Variants in COBLL1 observed in about 807,000 individuals in gnomAD.
COBLL1 encodes the protein cordon-bleu protein-like 1.
COBLL1 carries 50 observed loss-of-function variants against 94.8 expected under a neutral mutation model. That is an observed-to-expected ratio of 0.53 (90% CI 0.42 to 0.67). The LOEUF (loss-of-function observed/expected upper bound fraction) is 0.67. Among genes scored for constraint, COBLL1 ranks in the 30% least tolerant of loss-of-function variants. COBLL1 has a pLI of 0.00. For synonymous variants in COBLL1, 448 were observed against 473.8 expected (o/e 0.95, Z 0.71); for missense variants, 1,362 against 1,348.7 (o/e 1.01, Z -0.15).
chr2:164,830,927 G>C (rs1461221195), intron 2 of COBLL1, among the ~76,000 whole-genome samples: 1 of 152,124 alleles, frequency 6.6e-6, no homozygotes, highest in African/African-American at 2.4e-5. Flanking sequence ...CTAAAGGGAG[G>C]AACAAAGTTC....
At chr2:164,716,745 A>T (rs1056892662) in intron 7 of COBLL1, among the ~76,000 whole-genome samples, 10 of 152,178 alleles carry the variant, frequency 6.6e-5, no homozygotes, top group Non-Finnish European at 1.3e-4. Context: ...AGCTCAGCAA[A>T]TCAACAGCCT....
chr2:164,662,712 T>C (rs1440230699), intron 2 of COBLL1, among the ~76,000 whole-genome samples: 1 of 152,140 alleles, frequency 6.6e-6, no homozygotes, highest in Non-Finnish European at 1.5e-5. Flanking sequence ...GCTGTCCTCA[T>C]CATAGTGACT....
chr2:164,686,684 A>G (rs1683312451), intron 13 of COBLL1, among the ~76,000 whole-genome samples: 1 of 152,180 alleles, frequency 6.6e-6, no homozygotes, highest in South Asian at 2.1e-4. Flanking sequence ...GTGAATAAAA[A>G]CACTAAAACA....
intron 5 of COBLL1, among the ~76,000 whole-genome samples, chr2:164,726,605 C>A (rs1364673387): frequency 1.3e-5 from 2 of 152,036 alleles, no homozygotes. Context: ...CATATAAAAG[C>A]ATTTATTCAC....
Position 164,773,694 on chromosome 2 carries a change from C to T in COBLL1, c.42-29819G>A, listed in dbSNP as rs537172198. 6.7e-4 allele frequency: 754 copies of T among 1,119,584 alleles called. 10 individuals are homozygous for T. Among genetic ancestry groups the T allele is most frequent in the South Asian group, 6.6e-3 (480 of 72,898 alleles). 69.4% of individuals were successfully genotyped at this position (1,119,584 alleles called of 1,614,324 possible). ...AAATTATTTTAAAAGTTTTACACAACGTATTTACTTACAACTGTTCCAGAA... is the reference window on the plus strand; with the variant it reads ...AAATTATTTTAAAAGTTTTACACAATGTATTTACTTACAACTGTTCCAGAA... On this transcript the variant is annotated intron_variant, in intron 2 of 13. Coordinates refer to ENST00000652658, the MANE Select transcript of COBLL1 (RefSeq NM_001365672.2).
rs1200016003 is a variant in COBLL1 at position 164,785,155 on chromosome 2, G to T, written c.42-41280C>A. Among the ~76,000 whole-genome samples the T allele has an allele frequency of 2.0e-5, 3 of 152,310 alleles. No homozygotes were observed. In the South Asian group the frequency reaches 6.2e-4, roughly 32 times the overall value. ...GAAAGTACATTTCTAGTCTTTAGAA[G>T]TTACCTAGTCTGGTAATTTGGGCTG... On this transcript the variant is annotated intron_variant, in intron 2 of 13. Transcript: ENST00000652658.
intron 2 of COBLL1, among the ~76,000 whole-genome samples, chr2:164,815,275 T>G (rs1684667749): frequency 6.6e-6 from 1 of 151,894 alleles, no homozygotes; most frequent in South Asian, 2.1e-4. Flanking sequence ...GGTGCACACC[T>G]GGAATCCCAG....
chr2:164,737,007 T>A (rs899205788), intron 3 of COBLL1, among the ~76,000 whole-genome samples: 3 of 152,066 alleles, frequency 2.0e-5, no homozygotes, highest in Non-Finnish European at 4.4e-5. Context: ...ATTTAAAAAC[T>A]AAAATTAGTG....
At chr2:164,694,141 A>T in intron 12 of COBLL1, 128 bp downstream of exon 12, 1 of 908,872 alleles carries the variant, frequency 1.1e-6, no homozygotes, top group Non-Finnish European at 1.7e-6. Context: ...TCTCTTCACT[A>T]CAATAGCTTA....
intron 13 of COBLL1, among the ~76,000 whole-genome samples, chr2:164,691,458 G>C (rs938856417): frequency 3.9e-5 from 6 of 152,128 alleles, no homozygotes; most frequent in African/African-American, 1.2e-4. Context: ...TAGATGCGGA[G>C]GTGCTTCCAA....
intron 2 of COBLL1, among the ~76,000 whole-genome samples, chr2:164,757,336 T>TTTA (rs1173583616): frequency 6.6e-6 from 1 of 152,216 alleles, no homozygotes; most frequent in African/African-American, 2.4e-5. Flanking sequence ...TTCAATCACA[T>TTTA]TTATTCACTC....
intron 2 of COBLL1, among the ~76,000 whole-genome samples, chr2:164,789,612 T>C (rs552310266): frequency 1.3e-5 from 2 of 152,264 alleles, no homozygotes; most frequent in Non-Finnish European, 2.9e-5. Context: ...AGCTATTCCA[T>C]CAAAAGCCTA....
chr2:164,695,606 C>T lies in COBLL1; in HGVS notation c.1786G>A (p.Ala596Thr), dbSNP rs1683899356. 1 of 1,613,868 alleles carries T rather than the reference C, an allele frequency of 6.2e-7. No homozygotes were observed. The highest frequency in any genetic ancestry group is 2.2e-5 in the East Asian group (1 of 44,844). ...ATTGCTGCATCTTTTGTCTTTTCTG[C>T]ACTGGGTTGATTCAGTTTTTGATCT... Reference protein sequence around the residue: ...VPDQKLNQPSAEKTKDAAIQT... With the variant: ...VPDQKLNQPSTEKTKDAAIQT... Residue 596 changes from alanine (A) to threonine (T), a missense_variant, in exon 12 of 14, where the codon GCA becomes ACA. Physicochemically the swap from Ala to Thr is moderately conservative, Grantham distance 58. Transcript: ENST00000652658.
At chr2:164,665,665 AT>A (rs1490129115) in intron 2 of COBLL1, among the ~76,000 whole-genome samples, 9 of 152,176 alleles carry the variant, frequency 5.9e-5, no homozygotes, top group South Asian at 2.1e-4. Context: ...GATGGTAGCT[AT>A]TTTTTAATTA....
intron 13 of COBLL1, among the ~76,000 whole-genome samples, chr2:164,686,421 T>C (rs1019206398): frequency 1.3e-5 from 2 of 152,140 alleles, no homozygotes; most frequent in Non-Finnish European, 2.9e-5. Flanking sequence ...CACAAAGCAA[T>C]GAATTTTACA....
At chr2:164,778,684 T>C (rs759892217) in intron 2 of COBLL1, among the ~76,000 whole-genome samples, 1 of 152,134 alleles carries the variant, frequency 6.6e-6, no homozygotes, top group African/African-American at 2.4e-5. Context: ...AGTCATATGA[T>C]CTTATTTGCA....
At position 164,841,150 on chromosome 2, in the gene COBLL1, G is replaced by A; in HGVS notation, c.41+6C>T. The A allele has an allele frequency of 8.1e-7, 1 of 1,230,346 alleles. No individual in the cohort carries two copies. The highest frequency in any genetic ancestry group is 4.1e-5 in the South Asian group (1 of 24,348). 76.2% of individuals were successfully genotyped at this position (1,230,346 alleles called of 1,614,324 possible). ...GGTGAGAGGCGGCGCGGCGCTCTGGGCTTACCTGGCTGGGGCGTCCTGCGG... is the reference window on the plus strand; with the variant it reads ...GGTGAGAGGCGGCGCGGCGCTCTGGACTTACCTGGCTGGGGCGTCCTGCGG... On this transcript the variant is annotated splice_donor_region_variant and intron_variant, in intron 2 of 13. Transcript: ENST00000652658. This position sits in a 1 kb window ranked among gnomAD's most constrained non-coding sequence, Gnocchi z 5.5.
chr2:164,784,477 A>C (rs1688855186), intron 2 of COBLL1, among the ~76,000 whole-genome samples: 1 of 152,120 alleles, frequency 6.6e-6, no homozygotes, highest in South Asian at 2.1e-4. Context: ...CTGGATCCAC[A>C]TACGTAATTA....
chr2:164,818,713 T>C (rs1042608363), intron 2 of COBLL1, among the ~76,000 whole-genome samples: 2 of 135,462 alleles, frequency 1.5e-5, no homozygotes, highest in African/African-American at 2.9e-5. Flanking sequence ...TAAACATATA[T>C]AGTATATATA....
Sources: gnomAD v4.1 joint callset for allele counts (sites outside exome capture counted in the v4.1 genomes callset) on GRCh38, gnomAD v4.1.1 for gene constraint, Gnocchi (gnomAD v3.1) non-coding constraint, MANE v1.5 for transcripts, NCBI Gene and HGNC (gene_info 2026-07-23, HGNC 2026-07-21) for gene names.